AGAP5: variants seen among roughly 807,000 people sequenced by gnomAD.
AGAP5 encodes arf-GAP with GTPase, ANK repeat and PH domain-containing protein 5.
Under a neutral mutation model 27.7 loss-of-function variants are expected in AGAP5, and 8 were observed. The observed-to-expected ratio is 0.29, with a 90% CI of 0.17 to 0.52. AGAP5 has a LOEUF of 0.52. Ranked by LOEUF, AGAP5 falls within the 20% of genes least tolerant of loss-of-function variation. The probability of loss-of-function intolerance (pLI) is 0.97; values close to 1 mark genes in which losing one functional copy is unlikely to be tolerated. For missense variants in AGAP5, 285 were observed against 880.8 expected (o/e 0.32, Z 8.56); for synonymous variants, 111 against 338.0 (o/e 0.33, Z 7.37).
intron 2 of AGAP5, among the ~76,000 whole-genome samples, chr10:73,696,044 G>A (rs1029654651): frequency 1.1e-4 from 17 of 151,048 alleles, no homozygotes; most frequent in East Asian, 1.9e-4. Context: ...ACGGAGTCTC[G>A]CTCTGTCACC....
At position 73,694,388 on chromosome 10, in the gene AGAP5, G is replaced by A. The variant is rs571024285; in HGVS notation, c.361+348C>T. On this transcript the variant is annotated intron_variant, in intron 3 of 7. Coordinates refer to ENST00000374094, the MANE Select transcript of AGAP5 (RefSeq NM_001144000.4). Reference sequence around the variant, plus strand: ...CTAAGTTCTATCATTCATCTTTAAAGTGTACTTTTTGGAGCAAGGGAAAAG... The same window carrying A: ...CTAAGTTCTATCATTCATCTTTAAAATGTACTTTTTGGAGCAAGGGAAAAG... 1.9e-3 allele frequency among the ~76,000 whole-genome samples: 286 copies of A among 152,136 alleles called. 2 individuals carry two copies. Among genetic ancestry groups the A allele is most frequent in the African/African-American group, 6.7e-3 (276 of 41,494 alleles).
At chr10:73,692,787 C>T (rs2082130410) in intron 3 of AGAP5, among the ~76,000 whole-genome samples, 1 of 151,804 alleles carries the variant, frequency 6.6e-6, no homozygotes, top group Non-Finnish European at 1.5e-5. Context: ...GGACTACAGG[C>T]ACGTGCCACC....
chr10:73,696,260 T>C (rs371680441), intron 2 of AGAP5, among the ~76,000 whole-genome samples: 3 of 152,058 alleles, frequency 2.0e-5, no homozygotes, highest in Non-Finnish European at 1.5e-5. Flanking sequence ...TCAGGTGATC[T>C]GCCTGCCACG....
At position 73,698,040 on chromosome 10, in the gene AGAP5, G is replaced by C; in HGVS notation, c.-285C>G. 12 of 1,396,730 alleles carry C rather than the reference G, an allele frequency of 8.6e-6. No homozygotes were observed. Among genetic ancestry groups the C allele is most frequent in the Non-Finnish European group, 1.1e-5 (12 of 1,074,352 alleles). 86.5% of individuals were successfully genotyped at this position (1,396,730 alleles called of 1,614,324 possible). A position where few individuals can be genotyped will look rare whatever the true frequency, so the allele number is the denominator to read the frequency against. ...ATAGGTTGTGAACCCAACAAGCGCT[G>C]AGAGACACAACAACTGCCTGAAGAG... is the stretch of plus-strand genomic sequence containing the variant. On this transcript the variant is annotated 5_prime_UTR_variant, in exon 1 of 8. Transcript: ENST00000374094.
In AGAP5 at chr10:73,674,724, A is replaced by G; in HGVS notation, c.1936T>C (p.Tyr646His). ...NVVLAQLLIW[Y>H]GVDVMARDAH... is the part of the protein sequence containing the mutation. ...TCTCGGGCCATGACGTCCACCCCGT[A>G]CCAGATCAGGAGCTGTGCCAGGACC... Residue 646 changes from tyrosine to histidine, a missense_variant, in exon 8 of 8, where the codon TAC becomes CAC. Physicochemically the swap from Tyr to His is moderately conservative, Grantham distance 83. Transcript: ENST00000374094. 1.2e-6 allele frequency: 2 copies of G among 1,612,102 alleles called. No individual in the cohort carries two copies. The highest frequency in any genetic ancestry group is 1.7e-6 in the Non-Finnish European group (2 of 1,179,864).
intron 4 of AGAP5, among the ~76,000 whole-genome samples, chr10:73,688,191 TG>T (rs1373558632): frequency 6.6e-6 from 1 of 152,188 alleles, no homozygotes; most frequent in Non-Finnish European, 1.5e-5. Flanking sequence ...ACACCAAAAA[TG>T]GAACTCCAAC....
At chr10:73,683,525 G>A (rs1278747760) in intron 4 of AGAP5, among the ~76,000 whole-genome samples, 1 of 124,114 alleles carries the variant, frequency 8.1e-6, no homozygotes, top group Non-Finnish European at 1.7e-5. Context: ...GCAGTGGCGC[G>A]ATCTCGGCTC....
In AGAP5 at chr10:73,679,147, C is replaced by T. The variant is rs1306647427; in HGVS notation, c.533+924G>A. ...GGATTACAGGTGTGAACCACTGCGC[C>T]CCACCAGCTTATTGCTTTTTTTGTT... On this transcript the variant is annotated intron_variant, in intron 6 of 7. Coordinates refer to ENST00000374094, the MANE Select transcript of AGAP5 (RefSeq NM_001144000.4). 4.1e-3 allele frequency among the ~76,000 whole-genome samples: 605 copies of T among 146,040 alleles called. 1 individual carries two copies. Among genetic ancestry groups the T allele is most frequent in the African/African-American group, 0.015 (579 of 39,504 alleles).
chr10:73,690,032 G>C (rs1446546214), intron 4 of AGAP5, among the ~76,000 whole-genome samples: 1 of 151,870 alleles, frequency 6.6e-6, no homozygotes, highest in Non-Finnish European at 1.5e-5. Flanking sequence ...GGGAGGTGAG[G>C]GGCCCCTCTG....
At chr10:73,694,536 T>TGTGTTGATAAAAAGATG (rs2082145087) in intron 3 of AGAP5, among the ~76,000 whole-genome samples, 200 bp downstream of exon 3, 1 of 152,106 alleles carries the variant, frequency 6.6e-6, no homozygotes, top group Non-Finnish European at 1.5e-5. Context: ...GATGGCAAAA[T>TGTGTTGATAAAAAGATG]GTATAAACAA....
chr10:73,694,200 A>G (rs1178091198), intron 3 of AGAP5, among the ~76,000 whole-genome samples: 5 of 152,222 alleles, frequency 3.3e-5, no homozygotes, highest in African/African-American at 1.2e-4. Flanking sequence ...ATTACATCAA[A>G]TGAAAAAGTT....
intron 4 of AGAP5, among the ~76,000 whole-genome samples, chr10:73,688,418 G>A (rs2082082350): frequency 6.6e-6 from 1 of 151,330 alleles, no homozygotes; most frequent in Non-Finnish European, 1.5e-5. Context: ...AGCAGGCCAG[G>A]GACCACCACA....
intron 3 of AGAP5, among the ~76,000 whole-genome samples, chr10:73,692,881 G>A (rs968465319): frequency 6.6e-6 from 1 of 151,934 alleles, no homozygotes; most frequent in African/African-American, 2.4e-5. Flanking sequence ...TCCTAACCTC[G>A]TGATCCACCC....
At chr10:73,693,698 CA>C (rs200725473) in intron 3 of AGAP5, among the ~76,000 whole-genome samples, 3,174 of 103,364 alleles carry the variant, frequency 0.031, 81 homozygotes, top group African/African-American at 0.084. Context: ...GACTCCATTT[CA>C]AAAAAAAAAA....
intron 7 of AGAP5, among the ~76,000 whole-genome samples, chr10:73,676,373 G>A (rs545030326): frequency 1.5e-4 from 21 of 139,716 alleles, no homozygotes; most frequent in South Asian, 4.6e-4. Flanking sequence ...CCAGTTACTC[G>A]GGAGGCTGAG....
intron 4 of AGAP5, among the ~76,000 whole-genome samples, chr10:73,690,012 C>T (rs1485654862): frequency 2.0e-5 from 3 of 151,900 alleles, no homozygotes; most frequent in Non-Finnish European, 4.4e-5. Context: ...CCTGGCCAGC[C>T]GCCCTGTCCG....
intron 4 of AGAP5, among the ~76,000 whole-genome samples, chr10:73,689,319 C>T (rs1006300794): frequency 3.9e-5 from 6 of 152,230 alleles, no homozygotes; most frequent in South Asian, 2.1e-4. Flanking sequence ...AGTGCAGTGG[C>T]GTGATCTCGG....
intron 3 of AGAP5, among the ~76,000 whole-genome samples, chr10:73,694,415 GATTATAAATAAAGATAAATCCATTA>G (rs908481575): frequency 6.6e-6 from 1 of 151,994 alleles, no homozygotes; most frequent in Non-Finnish European, 1.5e-5. Flanking sequence ...AGGGAAAAGG[GATTATAAATAAAGATAAATCCATTA>G]ATTATAAATA....
chr10:73,676,127 G>A, intron 7 of AGAP5, 53 bp from the exon 8 acceptor site: 1 of 1,609,424 alleles, frequency 6.2e-7, no homozygotes, highest in Non-Finnish European at 8.5e-7. Context: ...TGGCTTGCAG[G>A]GTCCTATAGA....
Sources: allele counts gnomAD v4.1 joint callset (sites outside exome capture counted in the v4.1 genomes callset), GRCh38; gene constraint gnomAD v4.1.1; transcripts MANE v1.5; gene names NCBI Gene and HGNC (gene_info 2026-07-23, HGNC 2026-07-21).